PEAK1: variants seen among roughly 807,000 people sequenced by gnomAD.
PEAK1 encodes inactive tyrosine-protein kinase PEAK1.
Under a neutral mutation model 124.7 loss-of-function variants are expected in PEAK1, and 54 were observed. That is an observed-to-expected ratio of 0.43 (90% confidence interval 0.35 to 0.54). The LOEUF is 0.54. Ranked by LOEUF, PEAK1 falls within the 20% of genes least tolerant of loss-of-function variation. The pLI, the probability that PEAK1 is intolerant of heterozygous loss-of-function variation, is 0.01. For missense variants in PEAK1, 2,046 were observed against 2,134.5 expected, an observed-to-expected ratio of 0.96 and a Z score of 0.82; for synonymous variants, 719 against 760.0, an observed-to-expected ratio of 0.95 and a Z score of 0.89.
In PEAK1 at chr15:77,252,297, A is replaced by G. The variant is rs139244030; in HGVS notation, c.-115+70T>C. The G allele has an allele frequency of 9.8e-5, 85 of 870,150 alleles. No homozygotes were observed. The East Asian group carries it at 5.3e-3, about 54-fold the overall frequency. The allele number at this position is 870,150 out of a possible 1,614,324, so 53.9% of individuals were successfully genotyped here. On this transcript the variant is annotated intron_variant, in intron 6 of 9. Transcript: ENST00000682557. ...GCATTTAAGTTAAACATTTAAACTT[A>G]AAAAGAAATTCTTTCCAGTCATCTA...
chr15:77,108,840 C>T lies in PEAK1; in HGVS notation c.*5316G>A, dbSNP rs984957964. On this transcript the variant is annotated 3_prime_UTR_variant, in exon 10 of 10. Coordinates refer to ENST00000682557, the MANE Select transcript of PEAK1 (RefSeq NM_001385026.1). ...CCAAACCATGGGGGTGAATGGGACA[C>T]GTCAAGATAAAAAGCTGGAATAAAC... 1 of 152,092 alleles carries T rather than the reference C, an allele frequency of 6.6e-6. No individual in the cohort carries two copies. Among genetic ancestry groups the T allele is most frequent in the Non-Finnish European group, 1.5e-5 (1 of 68,030 alleles). 9.4% of individuals were successfully genotyped at this position (152,092 alleles called of 1,614,324 possible). A position where few individuals can be genotyped will look rare whatever the true frequency, so the allele number is the denominator to read the frequency against.
chr15:77,414,687 G>C (rs1420929558), intron 1 of PEAK1, among the ~76,000 whole-genome samples: 1 of 152,160 alleles, frequency 6.6e-6, no homozygotes, highest in African/African-American at 2.4e-5. Context: ...AATAATATAA[G>C]GTAAATAACA....
intron 9 of PEAK1, among the ~76,000 whole-genome samples, chr15:77,122,548 C>G (rs1426080373): frequency 1.3e-5 from 2 of 152,078 alleles, no homozygotes; most frequent in Admixed American, 1.3e-4. Flanking sequence ...TCAACTATAT[C>G]CTCTCACCTC....
At chr15:77,361,353 T>C (rs765719132) in intron 2 of PEAK1, among the ~76,000 whole-genome samples, 24 of 152,140 alleles carry the variant, frequency 1.6e-4, no homozygotes, top group Admixed American at 3.3e-4. Context: ...GGCAGGAGGA[T>C]TGCTTGAGCC....
chr15:77,418,530 G>A lies in PEAK1; in HGVS notation c.-666+1476C>T. 3 of 985,048 alleles carry A rather than the reference G, an allele frequency of 3.0e-6. No homozygotes were observed. The South Asian group carries it at 1.4e-4, about 46-fold the overall frequency. 61.0% of individuals were successfully genotyped at this position (985,048 alleles called of 1,614,324 possible). A position where few individuals can be genotyped will look rare whatever the true frequency, so the allele number is the denominator to read the frequency against. The stretch of plus-strand genomic sequence containing the variant: ...TACTTCCATTGTTCATCTCTGGGCT[G>A]AGGCTATAACCCTCAACTTTGAAGC... On this transcript the variant is annotated intron_variant, in intron 1 of 9. Coordinates refer to ENST00000682557, the MANE Select transcript of PEAK1 (RefSeq NM_001385026.1).
chr15:77,127,265 A>G (rs557395910), intron 9 of PEAK1, among the ~76,000 whole-genome samples: 1 of 152,356 alleles, frequency 6.6e-6, no homozygotes, highest in East Asian at 1.9e-4. Context: ...TGGGTCTTCC[A>G]GCCTCCATAA....
At chr15:77,206,752 G>A (rs866106174) in intron 6 of PEAK1, among the ~76,000 whole-genome samples, 3,432 of 151,896 alleles carry the variant, frequency 0.023, 109 homozygotes, top group African/African-American at 0.072. Context: ...AGTAGGTTGC[G>A]AAAATTTTCT....
At chr15:77,118,572 C>T (rs1306923868) in intron 9 of PEAK1, among the ~76,000 whole-genome samples, 1 of 152,116 alleles carries the variant, frequency 6.6e-6, no homozygotes, top group East Asian at 1.9e-4. Context: ...TTTTCTCTAC[C>T]AGGGATTAAA....
downstream of PEAK1, chr15:77,106,421 T>C (rs1395284878): frequency 1.3e-5 from 2 of 152,202 alleles, no homozygotes; most frequent in African/African-American, 2.4e-5. Context: ...TGCAGTGCAG[T>C]GGAGCAATCT....
rs11856275 is a variant in PEAK1, at chr15:77,343,776, G to A, written c.-603+21387C>T. 2.7e-3 allele frequency among the ~76,000 whole-genome samples: 416 copies of A among 151,996 alleles called. 2 individuals carry two copies. The highest frequency in any genetic ancestry group is 8.4e-3 in the African/African-American group (348 of 41,418). On this transcript the variant is annotated intron_variant, in intron 2 of 9. Transcript: ENST00000682557. ...GCTGGGATTACAGGTGTGAGAAACC[G>A]CGCCGGCCTTATCTATTTTTTCTTT...
chr15:77,126,344 T>C (rs1482816273), intron 9 of PEAK1, among the ~76,000 whole-genome samples: 3 of 152,210 alleles, frequency 2.0e-5, no homozygotes, highest in African/African-American at 4.8e-5. Flanking sequence ...TTCCTTAATA[T>C]AAGGTACCTA....
At chr15:77,237,335 C>A (rs1046101987) in intron 6 of PEAK1, among the ~76,000 whole-genome samples, 15 of 152,042 alleles carry the variant, frequency 9.9e-5, no homozygotes, top group African/African-American at 3.6e-4. Flanking sequence ...TTGACACCAT[C>A]CCACAGGTTT....
At chr15:77,313,708 A>ATGTT (rs1402548917) in intron 2 of PEAK1, among the ~76,000 whole-genome samples, 2 of 93,754 alleles carry the variant, frequency 2.1e-5, no homozygotes, top group Non-Finnish European at 2.2e-5. Flanking sequence ...ATATATATGT[A>ATGTT]TGTGTGTGTG....
At chr15:77,272,821 C>T (rs553035054) in intron 5 of PEAK1, among the ~76,000 whole-genome samples, 3 of 152,224 alleles carry the variant, frequency 2.0e-5, no homozygotes, top group African/African-American at 7.2e-5. Context: ...AAGAAAACTA[C>T]AAACCAATAT....
chr15:77,357,349 TGCAA>T (rs1209431583), intron 2 of PEAK1, among the ~76,000 whole-genome samples: 1 of 152,252 alleles, frequency 6.6e-6, no homozygotes, highest in African/African-American at 2.4e-5. Flanking sequence ...CTTGGCTCAC[TGCAA>T]CCTCCGCCTC....
chr15:77,285,971 T>G (rs2062908806), intron 3 of PEAK1, among the ~76,000 whole-genome samples: 1 of 152,224 alleles, frequency 6.6e-6, no homozygotes, highest in South Asian at 2.1e-4. Flanking sequence ...AGATCTTTCC[T>G]GCTTTCTCTT....
intron 9 of PEAK1, among the ~76,000 whole-genome samples, chr15:77,130,232 A>T (rs1435032436): frequency 2.0e-5 from 3 of 152,236 alleles, no homozygotes; most frequent in Admixed American, 2.0e-4. Context: ...TCCCTTTCTG[A>T]AACAGGTACT....
chr15:77,212,437 T>C (rs950895099), intron 6 of PEAK1, among the ~76,000 whole-genome samples: 64 of 152,202 alleles, frequency 4.2e-4, no homozygotes, highest in African/African-American at 1.5e-3. Context: ...GGAAGTGGAA[T>C]AGCCCTAACT....
At chr15:77,369,200 T>G (rs1011731905) in intron 1 of PEAK1, among the ~76,000 whole-genome samples, 2 of 152,184 alleles carry the variant, frequency 1.3e-5, no homozygotes, top group African/African-American at 2.4e-5. Flanking sequence ...AATATTTGTA[T>G]GTGAATCACG....
Sources: gnomAD v4.1 joint callset for allele counts (sites outside exome capture counted in the v4.1 genomes callset) on GRCh38, gnomAD v4.1.1 for gene constraint, MANE v1.5 for transcripts, NCBI Gene and HGNC (gene_info 2026-07-23, HGNC 2026-07-21) for gene names.